Variants in PCDH11Y observed in about 807,000 individuals in gnomAD.
PCDH11Y encodes the protein protocadherin 11 Y-linked, also known as protocadherin-11 Y-linked.
For synonymous variants in PCDH11Y, 9 were observed against 83.6 expected (o/e 0.11, Z 4.87); for missense variants, 12 against 224.8 (o/e 0.05, Z 6.05).
chrY:5,180,823 G>A, intron 2 of PCDH11Y, among the ~76,000 whole-genome samples: 1 of 32,993 alleles, frequency 3.0e-5, no homozygotes, highest in Non-Finnish European at 7.4e-5. Flanking sequence ...TTGCCCATGA[G>A]CTGGGCCTCT....
chrY:5,288,584 T>C, intron 2 of PCDH11Y, among the ~76,000 whole-genome samples: 1 of 31,235 alleles, frequency 3.2e-5, no homozygotes, highest in Non-Finnish European at 7.7e-5. Context: ...AAACACTTTC[T>C]TGGGGTGGTG....
At chrY:5,185,396 T>G in intron 2 of PCDH11Y, among the ~76,000 whole-genome samples, 1 of 32,818 alleles carries the variant, frequency 3.0e-5, no homozygotes, top group Non-Finnish European at 7.5e-5. Context: ...AGGTCTTATA[T>G]TGAAGTCTTT....
chrY:5,022,820 G>A, intron 1 of PCDH11Y, among the ~76,000 whole-genome samples: 1 of 32,333 alleles, frequency 3.1e-5, no homozygotes, highest in African/African-American at 1.2e-4. Flanking sequence ...AGGTAACATC[G>A]GCTGCATATT....
chrY:5,659,913 C>T (rs1377687265), intron 4 of PCDH11Y, among the ~76,000 whole-genome samples: 5 of 28,800 alleles, frequency 1.7e-4, no homozygotes, highest in Non-Finnish European at 4.0e-4. Flanking sequence ...CATCTCAGAG[C>T]CCAAGGCCCA....
At chrY:5,088,326 A>G in intron 1 of PCDH11Y, among the ~76,000 whole-genome samples, 1 of 33,146 alleles carries the variant, frequency 3.0e-5, no homozygotes, top group African/African-American at 1.2e-4. Flanking sequence ...GCTATCAATC[A>G]TTAAAAATGT....
At chrY:5,386,993 G>A (rs2124675442) in intron 2 of PCDH11Y, among the ~76,000 whole-genome samples, 10 of 24,682 alleles carry the variant, frequency 4.1e-4, no homozygotes, top group East Asian at 1.0e-3. Context: ...GGGTTATATC[G>A]GAGGGAAGAT....
intron 4 of PCDH11Y, among the ~76,000 whole-genome samples, chrY:5,612,135 G>C: frequency 6.7e-5 from 2 of 29,874 alleles, no homozygotes; most frequent in African/African-American, 2.7e-4. Flanking sequence ...CCCGTCTTCT[G>C]CGTCGCTCAC....
chrY:5,416,468 GGGT>G (rs2053253336), intron 2 of PCDH11Y, among the ~76,000 whole-genome samples: 4 of 32,699 alleles, frequency 1.2e-4, no homozygotes, highest in Non-Finnish European at 3.0e-4. Context: ...GTTAGGGGCA[GGGT>G]AAGAAATTCT....
intron 2 of PCDH11Y, among the ~76,000 whole-genome samples, chrY:5,326,283 G>A: frequency 3.1e-5 from 1 of 32,532 alleles, no homozygotes; most frequent in Non-Finnish European, 7.5e-5. Flanking sequence ...CCTGACTCGG[G>A]CATGTTGAGT....
intron 3 of PCDH11Y, among the ~76,000 whole-genome samples, chrY:5,556,800 C>T: frequency 3.1e-5 from 1 of 32,163 alleles, no homozygotes; most frequent in South Asian, 7.2e-4. Context: ...AGAGGTTTTA[C>T]ATTTAAACCT....
chrY:5,722,976 G>A, intron 4 of PCDH11Y, among the ~76,000 whole-genome samples: 1 of 31,311 alleles, frequency 3.2e-5, no homozygotes, highest in Non-Finnish European at 7.8e-5. Context: ...CCTTGTATAA[G>A]ACAAGACAAG....
chrY:5,239,075 G>T, intron 2 of PCDH11Y, among the ~76,000 whole-genome samples: 1 of 31,707 alleles, frequency 3.2e-5, no homozygotes, highest in Non-Finnish European at 7.7e-5. Flanking sequence ...CCATTACTGG[G>T]TATATACCCA....
At chrY:5,192,555 T>C in intron 2 of PCDH11Y, among the ~76,000 whole-genome samples, 1 of 33,112 alleles carries the variant, frequency 3.0e-5, no homozygotes, top group Non-Finnish European at 7.4e-5. Flanking sequence ...TTAACAAGGC[T>C]GAAAGGAAAT....
At chrY:5,342,393 C>A in intron 2 of PCDH11Y, among the ~76,000 whole-genome samples, 5 of 33,565 alleles carry the variant, frequency 1.5e-4, no homozygotes, top group Admixed American at 1.4e-3. Flanking sequence ...ATTCAGCAGT[C>A]ACACAGTCCA....
intron 4 of PCDH11Y, among the ~76,000 whole-genome samples, chrY:5,593,720 G>A (rs1602947984): frequency 3.2e-5 from 1 of 31,301 alleles, no homozygotes; most frequent in South Asian, 7.2e-4. Flanking sequence ...GCCCTTGAGG[G>A]TTTAGTTGTG....
At chrY:5,156,960 A>G in intron 2 of PCDH11Y, among the ~76,000 whole-genome samples, 3 of 33,038 alleles carry the variant, frequency 9.1e-5, no homozygotes, top group Admixed American at 8.3e-4. Context: ...CGTTTTTTCA[A>G]CCTTCAAACA....
chrY:5,070,747 A>G, intron 1 of PCDH11Y, among the ~76,000 whole-genome samples: 2 of 31,775 alleles, frequency 6.3e-5, no homozygotes, highest in Non-Finnish European at 1.5e-4. Context: ...GGTTTGTTAT[A>G]TAGGTAAACT....
chrY:5,634,826 T>C, intron 4 of PCDH11Y, among the ~76,000 whole-genome samples: 1 of 31,857 alleles, frequency 3.1e-5, no homozygotes, highest in Non-Finnish European at 7.7e-5. Flanking sequence ...GTGTGGCATT[T>C]TAGCATTAAG....
At chrY:5,196,636 C>A in intron 2 of PCDH11Y, among the ~76,000 whole-genome samples, 1 of 25,959 alleles carries the variant, frequency 3.9e-5, no homozygotes, top group Non-Finnish European at 9.0e-5. Flanking sequence ...CTCTCCAGCA[C>A]CTGTTGTTTC....
Sources: allele counts gnomAD v4.1 joint callset (sites outside exome capture counted in the v4.1 genomes callset), GRCh38; gene constraint gnomAD v4.1.1; transcripts MANE v1.5; gene names NCBI Gene and HGNC (gene_info 2026-07-23, HGNC 2026-07-21).